The following SEC24D variants were observed in gnomAD, a reference collection of about 807,000 sequenced individuals.
SEC24D encodes the protein protein transport protein Sec24D.
Under a neutral mutation model 116.9 loss-of-function variants are expected in SEC24D, and 69 were observed. The ratio of observed to expected loss-of-function variants is 0.59; its 90% CI spans 0.49 to 0.72. The LOEUF (loss-of-function observed/expected upper bound fraction) is 0.72, where lower values mean the gene tolerates loss of function less well. Ranked by LOEUF, SEC24D falls within the 30% of genes least tolerant of loss-of-function variation. The pLI, the probability that SEC24D is intolerant of heterozygous loss-of-function variation, is 0.00. For synonymous variants in SEC24D, 405 were observed against 442.8 expected, an observed-to-expected ratio of 0.91 and a Z score of 1.07; for missense variants, 1,131 against 1,264.1, an observed-to-expected ratio of 0.89 and a Z score of 1.60.
chr4:118,798,056 T>C (rs1325723652), intron 7 of SEC24D, among the ~76,000 whole-genome samples: 1 of 152,214 alleles, frequency 6.6e-6, no homozygotes, highest in East Asian at 1.9e-4. Context: ...AAAAGAAGTA[T>C]CTTAGTTATT....
Position 118,768,296 on chromosome 4 carries a change from C to T in SEC24D, c.1057G>A (p.Val353Ile), listed in dbSNP as rs368921282. 1.2e-6 allele frequency: 2 copies of T among 1,613,430 alleles called. No homozygotes were observed. Among genetic ancestry groups the T allele is most frequent in the East Asian group, 2.2e-5 (1 of 44,836 alleles). The change falls in exon 9 of 23, where the codon GTA becomes ATA. Residue 353 changes from valine to isoleucine, a missense_variant. Physicochemically the swap from Val to Ile is conservative, Grantham distance 29. Coordinates refer to ENST00000280551, the MANE Select transcript of SEC24D (RefSeq NM_014822.4). ...IPSNESPLYL[V>I]NHGESGPVRC... ...ACTGGTCCACTCTCGCCGTGATTTA[C>T]CAAGTAAAGGGGACTCTATGGAGAA...
chr4:118,754,704 C>T (rs1159489613), intron 11 of SEC24D, among the ~76,000 whole-genome samples: 3 of 152,124 alleles, frequency 2.0e-5, no homozygotes, highest in Non-Finnish European at 4.4e-5. Context: ...CCAGTTTAGT[C>T]ATGTCACCCT....
chr4:118,793,120 C>T (rs1321235376), intron 8 of SEC24D, among the ~76,000 whole-genome samples: 2 of 151,928 alleles, frequency 1.3e-5, no homozygotes, highest in South Asian at 2.1e-4. Flanking sequence ...CTGCCTGTGA[C>T]GTAGGAAAAA....
intron 2 of SEC24D, 167 bp downstream of exon 2, chr4:118,833,412 G>A: frequency 1.9e-6 from 1 of 539,628 alleles, no homozygotes; most frequent in East Asian, 3.0e-5. Context: ...CCAAACTAGT[G>A]ATGTAGAGTT....
chr4:118,744,041 C>A lies in SEC24D; in HGVS notation c.1942G>T (p.Gly648Trp). 1 of 1,613,216 alleles carries A rather than the reference C, an allele frequency of 6.2e-7. No individual in the cohort carries two copies. Among genetic ancestry groups the A allele is most frequent in the Non-Finnish European group, 8.5e-7 (1 of 1,179,546 alleles). Residue 648 changes from glycine (G) to tryptophan (W), a missense_variant, in exon 15 of 23, where the codon GGG becomes TGG. Transcript: ENST00000280551. Reference sequence around the variant, plus strand: ...CCTCCAGTGAGCTGAGGAACCAGCCCCAGCGAGGCCACGTCCACATACTGA... The same window carrying A: ...CCTCCAGTGAGCTGAGGAACCAGCCACAGCGAGGCCACGTCCACATACTGA... ...PSQYVDVASL[G>W]LVPQLTGGTL...
chr4:118,793,435 C>T (rs890271424), intron 8 of SEC24D, among the ~76,000 whole-genome samples: 2 of 144,776 alleles, frequency 1.4e-5, no homozygotes, highest in Admixed American at 1.4e-4. Flanking sequence ...CCACTGCACT[C>T]CAGCCTGGGC....
intron 2 of SEC24D, among the ~76,000 whole-genome samples, chr4:118,829,136 C>G (rs1353474559): frequency 6.6e-6 from 1 of 152,202 alleles, no homozygotes; most frequent in Non-Finnish European, 1.5e-5. Flanking sequence ...TTCTCACTAG[C>G]TAAGTAAATA....
chr4:118,812,981 C>T lies in SEC24D; in HGVS notation c.801+2047G>A, dbSNP rs138987284. Among the ~76,000 whole-genome samples the T allele has an allele frequency of 3.0e-3, 452 of 152,290 alleles. 4 individuals are homozygous for T. Among genetic ancestry groups the T allele is most frequent in the African/African-American group, 0.01 (434 of 41,540 alleles). On this transcript the variant is annotated intron_variant, in intron 6 of 22. Transcript: ENST00000280551. ...TCCCCTAGAGATTTGAGCTTTGGAG[C>T]ACTGAAGAAGCGAGCCACACCCCCA...
intron 4 of SEC24D, among the ~76,000 whole-genome samples, chr4:118,816,407 A>G (rs116314531): frequency 6.6e-6 from 1 of 152,298 alleles, no homozygotes; most frequent in African/African-American, 2.4e-5. Context: ...ACTCAGGTAA[A>G]TTGCACATTC....
At chr4:118,787,642 T>C (rs1042741938) in intron 8 of SEC24D, among the ~76,000 whole-genome samples, 5 of 152,106 alleles carry the variant, frequency 3.3e-5, no homozygotes, top group African/African-American at 7.2e-5. Flanking sequence ...TGAGACCCTG[T>C]CTTTACAAAA....
chr4:118,785,930 A>T (rs1728649766), intron 8 of SEC24D, among the ~76,000 whole-genome samples: 1 of 152,222 alleles, frequency 6.6e-6, no homozygotes, highest in Non-Finnish European at 1.5e-5. Context: ...TCAAGATAAG[A>T]TTAAAATAAA....
Position 118,764,786 on chromosome 4 carries a change from T to C in SEC24D, c.1296+16A>G, listed in dbSNP as rs372399009. On this transcript the variant is annotated intron_variant, in intron 10 of 22. Coordinates refer to ENST00000280551, the MANE Select transcript of SEC24D (RefSeq NM_014822.4). The stretch of plus-strand genomic sequence containing the variant: ...AACATCAATGTATAAACACTTGAAG[T>C]TCTGGGAACACTTACTCTGCAATAA... 13 of 1,366,734 alleles carry C rather than the reference T, an allele frequency of 9.5e-6. No individual in the cohort carries two copies. In the African/African-American group the frequency reaches 1.6e-4, roughly 17 times the overall value. 84.7% of individuals were successfully genotyped at this position (1,366,734 alleles called of 1,614,324 possible).
chr4:118,801,178 C>T (rs1395797320), intron 7 of SEC24D, among the ~76,000 whole-genome samples: 1 of 151,232 alleles, frequency 6.6e-6, no homozygotes, highest in Non-Finnish European at 1.5e-5. Flanking sequence ...AGGAGAATGG[C>T]GTGAACCTGG....
At chr4:118,827,917 A>C (rs540804677) in intron 2 of SEC24D, among the ~76,000 whole-genome samples, 5 of 152,272 alleles carry the variant, frequency 3.3e-5, no homozygotes, top group Admixed American at 3.3e-4. Context: ...TGACAAACTA[A>C]AACCAAAATT....
At chr4:118,802,742 T>A (rs1167273475) in intron 7 of SEC24D, among the ~76,000 whole-genome samples, 1 of 152,170 alleles carries the variant, frequency 6.6e-6, no homozygotes, top group African/African-American at 2.4e-5. Context: ...TTAGGTACAG[T>A]ATATACTCCA....
Position 118,738,219 on chromosome 4 carries a change from C to T in SEC24D, c.2496+42G>A, listed in dbSNP as rs765051204. The T allele has an allele frequency of 3.6e-5, 47 of 1,312,242 alleles. No individual in the cohort carries two copies. In the East Asian group the frequency reaches 8.3e-4, roughly 23 times the overall value. 81.3% of individuals were successfully genotyped at this position (1,312,242 alleles called of 1,614,324 possible). A position where few individuals can be genotyped will look rare whatever the true frequency, so the allele number is the denominator to read the frequency against. On this transcript the variant is annotated intron_variant, in intron 19 of 22. Transcript: ENST00000280551. Reference sequence around the variant, plus strand: ...GCTATGTGCTGAAGAAATGAGTAGTCGTTTGTAACACTTTAACATCTATGT... The same window carrying T: ...GCTATGTGCTGAAGAAATGAGTAGTTGTTTGTAACACTTTAACATCTATGT...
At chr4:118,761,026 ATT>A (rs2110466598) in intron 10 of SEC24D, among the ~76,000 whole-genome samples, 1 of 152,024 alleles carries the variant, frequency 6.6e-6, no homozygotes, top group Non-Finnish European at 1.5e-5. Flanking sequence ...CGGTAATTCT[ATT>A]TTTAATTTTC....
intron 1 of SEC24D, among the ~76,000 whole-genome samples, chr4:118,834,701 A>G (rs1032996434): frequency 1.3e-5 from 2 of 152,206 alleles, no homozygotes; most frequent in African/African-American, 4.8e-5. Flanking sequence ...GAACCTCTCT[A>G]AGCCTCAGTT....
At chr4:118,802,884 T>A (rs551641492) in intron 7 of SEC24D, among the ~76,000 whole-genome samples, 1 of 152,336 alleles carries the variant, frequency 6.6e-6, no homozygotes, top group Non-Finnish European at 1.5e-5. Context: ...ATGCAGTATG[T>A]ATAAAAGACG....
Sources: gnomAD v4.1 joint callset for allele counts (sites outside exome capture counted in the v4.1 genomes callset) on GRCh38, gnomAD v4.1.1 for gene constraint, MANE v1.5 for transcripts, NCBI Gene and HGNC (gene_info 2026-07-23, HGNC 2026-07-21) for gene names.